Variants in MFN1 observed in about 807,000 individuals in gnomAD.
MFN1 encodes mitofusin-1.
MFN1 carries 65 observed loss-of-function variants against 92.4 expected under a neutral mutation model. The ratio of observed to expected loss-of-function variants is 0.70; its 90% CI spans 0.58 to 0.86. The LOEUF (loss-of-function observed/expected upper bound fraction) is 0.86. Among genes scored for constraint, MFN1 ranks in the 40% least tolerant of loss-of-function variants. The probability of loss-of-function intolerance (pLI) is 0.00; values close to 1 mark genes in which losing one functional copy is unlikely to be tolerated. For missense variants in MFN1, 781 were observed against 868.0 expected, an observed-to-expected ratio of 0.90 and a Z score of 1.26; for synonymous variants, 297 against 300.9, an observed-to-expected ratio of 0.99 and a Z score of 0.13.
Position 179,377,354 on chromosome 3 carries a change from C to T in MFN1, c.1235C>T (p.Ala412Val). ...TEEVANKVSC[A>V]MTDEICRLSV... Reference sequence around the variant, plus strand: ...TTTTCATATTTTCAGGTTTCATGTGCAATGACAGATGAAATTTGTCGACTG... The same window carrying T: ...TTTTCATATTTTCAGGTTTCATGTGTAATGACAGATGAAATTTGTCGACTG... The change falls in exon 12 of 18, where the codon GCA becomes GTA. Residue 412 changes from alanine (A) to valine (V), a missense_variant. Ala to Val is a moderately conservative substitution (Grantham distance 64, BLOSUM62 0). Transcript: ENST00000471841. 1 of 1,606,660 alleles carries T rather than the reference C, an allele frequency of 6.2e-7. No homozygotes were observed. The highest frequency in any genetic ancestry group is 1.7e-5 in the Admixed American group (1 of 59,586).
intron 4 of MFN1, 67 bp from the exon 5 acceptor site, chr3:179,362,264 CTGTTTTGCTAAAATAAATGTACCACAA>C: frequency 8.2e-7 from 1 of 1,220,102 alleles, no homozygotes. Context: ...TTTTATATAC[CTGTTTTGCTAAAATAAATGTACCACAA>C]TGTTTTTAAT....
At chr3:179,368,996 G>T (rs150829039) in intron 9 of MFN1, among the ~76,000 whole-genome samples, 1 of 152,066 alleles carries the variant, frequency 6.6e-6, no homozygotes, top group Admixed American at 6.6e-5. Context: ...TTTGGTGAGA[G>T]AAAAAAGGTT....
At chr3:179,370,392 C>CTTT (rs34938438) in intron 9 of MFN1, among the ~76,000 whole-genome samples, 1,458 of 88,014 alleles carry the variant, frequency 0.017, 86 homozygotes, top group East Asian at 0.092. Context: ...TCACTAAGTT[C>CTTT]TTTTTTTTTT....
At position 179,386,625 on chromosome 3, in the gene MFN1, A is replaced by G; in HGVS notation, c.2008A>G (p.Lys670Glu). The change falls in exon 16 of 18, where the codon AAA becomes GAA. Residue 670 changes from lysine (K) to glutamate (E), a missense_variant. Lys to Glu is a moderately conservative substitution (Grantham distance 56, BLOSUM62 1). Coordinates refer to ENST00000471841, the MANE Select transcript of MFN1 (RefSeq NM_033540.3). ...GAGTGCAAACTGCAGTCACCAAGTA[A>G]AACAGTAAGTTGGAAGGTGCATCTT... ...STSANCSHQV[K>E]QQIATTFARL... 1.2e-6 allele frequency: 2 copies of G among 1,606,100 alleles called. No homozygotes were observed. Among genetic ancestry groups the G allele is most frequent in the Non-Finnish European group, 1.7e-6 (2 of 1,176,908 alleles).
Position 179,348,837 on chromosome 3 carries a change from C to A in MFN1, c.-7-8C>A. ...AGTTGGTGCTTTTCTAACTTTATCT[C>A]CCTCTAGTAGCATAATGGCAGAACC... On this transcript the variant is annotated splice_polypyrimidine_tract_variant and splice_region_variant and intron_variant, in intron 1 of 17. Coordinates refer to ENST00000471841, the MANE Select transcript of MFN1 (RefSeq NM_033540.3). 3 of 1,608,002 alleles carry A rather than the reference C, an allele frequency of 1.9e-6. No homozygotes were observed. In the South Asian group the frequency reaches 3.3e-5, roughly 18 times the overall value.
chr3:179,364,789 C>A (rs1213411968), intron 6 of MFN1, among the ~76,000 whole-genome samples: 2 of 152,126 alleles, frequency 1.3e-5, no homozygotes, highest in Admixed American at 1.3e-4. Flanking sequence ...CCAGCTTCAC[C>A]AGAATATACT....
intron 3 of MFN1, among the ~76,000 whole-genome samples, chr3:179,354,388 G>T (rs1712268053): frequency 6.6e-6 from 1 of 152,150 alleles, no homozygotes; most frequent in African/African-American, 2.4e-5. Flanking sequence ...AATATATCAT[G>T]GTAAGGCGTT....
chr3:179,349,097 A>G, intron 2 of MFN1, 134 bp downstream of exon 2: 1 of 589,886 alleles, frequency 1.7e-6, no homozygotes, highest in Non-Finnish European at 2.7e-6. Context: ...AATGAATAAA[A>G]CCCCTTTCTA....
At position 179,393,416 on chromosome 3, in the gene MFN1, G is replaced by A. The variant is rs1713982498; in HGVS notation, c.*1357G>A. 1.3e-5 allele frequency: 2 copies of A among 151,698 alleles called. No individual in the cohort carries two copies. The highest frequency in any genetic ancestry group is 2.9e-5 in the Non-Finnish European group (2 of 67,976). The allele number at this position is 151,698 out of a possible 1,614,324, so 9.4% of individuals were successfully genotyped here. A position where few individuals can be genotyped will look rare whatever the true frequency, so the allele number is the denominator to read the frequency against. ...TTTCATGGGAGGGATAAAATTTAAA[G>A]CTTTTTTTTTCTTTGAATACAGTCC... On this transcript the variant is annotated 3_prime_UTR_variant, in exon 18 of 18. Transcript: ENST00000471841.
chr3:179,359,190 G>A (rs1045068295), intron 4 of MFN1, among the ~76,000 whole-genome samples, 188 bp downstream of exon 4: 1 of 151,626 alleles, frequency 6.6e-6, no homozygotes, highest in African/African-American at 2.4e-5. Flanking sequence ...GCACAATCTC[G>A]GCTCACCGCA....
chr3:179,359,476 A>G (rs993365160), intron 4 of MFN1, among the ~76,000 whole-genome samples: 4 of 141,584 alleles, frequency 2.8e-5, no homozygotes, highest in Non-Finnish European at 4.5e-5. Context: ...GCTAGAGTAC[A>G]GTGGCGTGAT....
At chr3:179,390,708 A>C (rs1713867689) in intron 17 of MFN1, among the ~76,000 whole-genome samples, 1 of 152,154 alleles carries the variant, frequency 6.6e-6, no homozygotes, top group South Asian at 2.1e-4. Context: ...CTTAACTTTC[A>C]GCTTTCTTAC....
rs777189703 is a variant in MFN1, at chr3:179,378,236, CAAATT to C, written c.1330-101_1330-97del. ...CCTGTCTCAAAAAAAAAAAAAAAGTCAAATTAAAAAGACCATTTTGGCATTTACTG... is the reference window on the plus strand; with the variant it reads ...CCTGTCTCAAAAAAAAAAAAAAAGTCAAAAAGACCATTTTGGCATTTACTG... On this transcript the variant is annotated intron_variant, in intron 12 of 17. Transcript: ENST00000471841. The C allele has an allele frequency of 3.6e-4, 289 of 810,998 alleles. 1 individual carries two copies. In the African/African-American group the frequency reaches 4.5e-3, roughly 13 times the overall value. 50.2% of individuals were successfully genotyped at this position (810,998 alleles called of 1,614,324 possible).
intron 2 of MFN1, among the ~76,000 whole-genome samples, chr3:179,351,601 G>A (rs1712150330): frequency 6.6e-6 from 1 of 152,206 alleles, no homozygotes; most frequent in Non-Finnish European, 1.5e-5. Context: ...TAATAGGTCA[G>A]TGTTAGGTTC....
At chr3:179,385,020 C>T (rs929253443) in intron 14 of MFN1, among the ~76,000 whole-genome samples, 2 of 149,524 alleles carry the variant, frequency 1.3e-5, no homozygotes, top group African/African-American at 4.9e-5. Flanking sequence ...ATTCTCCTGC[C>T]TCAGCCTCCC....
rs140592538 is a variant in MFN1, at chr3:179,370,171, G to A, written c.975+2068G>A. ...GGTAATTTCTGATTTCTTAGAAATT[G>A]GTGTATTTCTGAACATTTATAATTT... On this transcript the variant is annotated intron_variant, in intron 9 of 17. Transcript: ENST00000471841. Among the ~76,000 whole-genome samples the A allele has an allele frequency of 8.0e-3, 1,219 of 151,928 alleles. 20 individuals are homozygous for A. The highest frequency in any genetic ancestry group is 0.028 in the African/African-American group (1,166 of 41,488).
chr3:179,356,628 T>C (rs1712352983), intron 3 of MFN1, among the ~76,000 whole-genome samples: 2 of 152,152 alleles, frequency 1.3e-5, no homozygotes, highest in Admixed American at 1.3e-4. Flanking sequence ...AAGTTTCTAT[T>C]TCCACAGTTG....
intron 3 of MFN1, among the ~76,000 whole-genome samples, chr3:179,358,052 G>A (rs1299991599): frequency 1.3e-5 from 2 of 151,898 alleles, no homozygotes; most frequent in Admixed American, 1.3e-4. Context: ...TTTTTACATG[G>A]CAAGGCTCCA....
intron 17 of MFN1, among the ~76,000 whole-genome samples, chr3:179,391,093 C>T (rs1273452759): frequency 6.6e-6 from 1 of 151,868 alleles, no homozygotes; most frequent in Non-Finnish European, 1.5e-5. Flanking sequence ...CCCATATATA[C>T]CTTTCAAATG....
Sources: gnomAD v4.1 joint callset for allele counts (sites outside exome capture counted in the v4.1 genomes callset) on GRCh38, gnomAD v4.1.1 for gene constraint, MANE v1.5 for transcripts, NCBI Gene and HGNC (gene_info 2026-07-23, HGNC 2026-07-21) for gene names.